Variants in PI15 observed in about 807,000 individuals in gnomAD.
PI15 encodes 25 kDa trypsin inhibitor.
PI15 carries 18 observed loss-of-function variants against 31.0 expected under a neutral mutation model. The ratio of observed to expected loss-of-function variants is 0.58; its 90% confidence interval spans 0.40 to 0.86. PI15 has a LOEUF of 0.86. PI15 is among the 40% of genes least tolerant of loss of function. The probability of loss-of-function intolerance (pLI) is 0.00; values close to 1 mark genes in which losing one functional copy is unlikely to be tolerated. For missense variants in PI15, 282 were observed against 328.1 expected (o/e 0.86, Z 1.09); for synonymous variants, 118 against 119.1 (o/e 0.99, Z 0.06).
chr8:74,842,205 T>C (rs1810955319), intron 2 of PI15, among the ~76,000 whole-genome samples: 1 of 152,104 alleles, frequency 6.6e-6, no homozygotes. Flanking sequence ...AATCCTTACT[T>C]AGCTGAACAC....
rs200713288 is a variant in PI15 at position 74,844,090 on chromosome 8, G to C, written c.383G>C (p.Arg128Pro). The C allele has an allele frequency of 1.4e-6, 2 of 1,412,248 alleles. No homozygotes were observed. The highest frequency in any genetic ancestry group is 3.3e-5 in the Admixed American group (2 of 59,744). The allele number at this position is 1,412,248 out of a possible 1,614,324, so 87.5% of individuals were successfully genotyped here. The change falls in exon 3 of 6, where the codon CGC (arginine) becomes CCC (proline). Residue 128 changes from arginine to proline, a missense_variant. Arg to Pro is a moderately radical substitution (Grantham distance 103). Coordinates refer to ENST00000260113, the MANE Select transcript of PI15 (RefSeq NM_015886.5). Reference sequence around the variant, plus strand: ...TTTTTGGGCCAAAATCTATCTGTACGCACTGGAAGGTAGGAAGTAATTTCA... The same window carrying C: ...TTTTTGGGCCAAAATCTATCTGTACCCACTGGAAGGTAGGAAGTAATTTCA... ...LRFLGQNLSVRTGRYRSILQL... is the reference protein window; with the variant it reads ...LRFLGQNLSVPTGRYRSILQL...
At chr8:74,832,798 A>C (rs1413124536) in intron 2 of PI15, among the ~76,000 whole-genome samples, 2 of 152,118 alleles carry the variant, frequency 1.3e-5, no homozygotes, top group Non-Finnish European at 2.9e-5. Context: ...TTTTCTTAAC[A>C]CAAATATGGA....
Position 74,854,678 on chromosome 8 carries a change from GTT to G in PI15, c.*5428_*5429del, listed in dbSNP as rs2128767486. The G allele has an allele frequency of 6.6e-6, 1 of 152,158 alleles. No individual in the cohort carries two copies. Among genetic ancestry groups the G allele is most frequent in the South Asian group, 2.1e-4 (1 of 4,820 alleles). 9.4% of individuals were successfully genotyped at this position (152,158 alleles called of 1,614,324 possible). ...TTGGATACATATTACAGCATCTTGT[GTT>G]TTATTTGACAAACAGAATTTTGGTG... On this transcript the variant is annotated 3_prime_UTR_variant, in exon 6 of 6. Coordinates refer to ENST00000260113, the MANE Select transcript of PI15 (RefSeq NM_015886.5).
intron 2 of PI15, among the ~76,000 whole-genome samples, chr8:74,826,977 T>C (rs752038284): frequency 6.6e-6 from 1 of 152,078 alleles, no homozygotes; most frequent in Non-Finnish European, 1.5e-5. Flanking sequence ...GATGTAAATA[T>C]GTAAAAATTA....
intron 2 of PI15, among the ~76,000 whole-genome samples, chr8:74,840,714 A>G (rs1413405255): frequency 1.3e-5 from 2 of 152,182 alleles, no homozygotes; most frequent in African/African-American, 4.8e-5. Flanking sequence ...AGGGTAGGTC[A>G]GTCCTGTCTC....
At chr8:74,841,686 T>A (rs1810948336) in intron 2 of PI15, among the ~76,000 whole-genome samples, 1 of 152,244 alleles carries the variant, frequency 6.6e-6, no homozygotes, top group African/African-American at 2.4e-5. Flanking sequence ...CCATCTGAAA[T>A]TCCTGTATAA....
chr8:74,829,211 A>G (rs1810743843), intron 2 of PI15, among the ~76,000 whole-genome samples: 1 of 152,110 alleles, frequency 6.6e-6, no homozygotes. Context: ...TTGATATTAT[A>G]AATGTCTTAA....
At chr8:74,847,369 T>C (rs1045177770) in intron 5 of PI15, among the ~76,000 whole-genome samples, 3 of 151,114 alleles carry the variant, frequency 2.0e-5, no homozygotes, top group Non-Finnish European at 2.9e-5. Flanking sequence ...CGCTTGAGCC[T>C]GGGTGGTGGA....
At position 74,853,065 on chromosome 8, in the gene PI15, A is replaced by T. The variant is rs1299147549; in HGVS notation, c.*3812A>T. On this transcript the variant is annotated 3_prime_UTR_variant, in exon 6 of 6. Coordinates refer to ENST00000260113, the MANE Select transcript of PI15 (RefSeq NM_015886.5). Reference sequence around the variant, plus strand: ...CAATTATTTGAACACATGCAAAATAATTTTTTAAATTATGTTATTGTTTAA... The same window carrying T: ...CAATTATTTGAACACATGCAAAATATTTTTTTAAATTATGTTATTGTTTAA... 6.5e-6 allele frequency: 1 copy of T among 152,676 alleles called. No homozygotes were observed. The highest frequency in any genetic ancestry group is 1.9e-4 in the East Asian group (1 of 5,194). The allele number at this position is 152,676 out of a possible 1,614,324, so 9.5% of individuals were successfully genotyped here.
In PI15 at chr8:74,853,027, G is replaced by A. The variant is rs910594998; in HGVS notation, c.*3774G>A. 4 of 152,312 alleles carry A rather than the reference G, an allele frequency of 2.6e-5. No individual in the cohort carries two copies. Among genetic ancestry groups the A allele is most frequent in the Admixed American group, 1.3e-4 (2 of 15,260 alleles). 9.4% of individuals were successfully genotyped at this position (152,312 alleles called of 1,614,324 possible). A position where few individuals can be genotyped will look rare whatever the true frequency, so the allele number is the denominator to read the frequency against. ...TTGTCATTATTTATGCTGGTGAAACGTATAATCACATCCAATTATTTGAAC... is the reference window on the plus strand; with the variant it reads ...TTGTCATTATTTATGCTGGTGAAACATATAATCACATCCAATTATTTGAAC... On this transcript the variant is annotated 3_prime_UTR_variant, in exon 6 of 6. Coordinates refer to ENST00000260113, the MANE Select transcript of PI15 (RefSeq NM_015886.5).
chr8:74,836,355 T>C lies in PI15; in HGVS notation c.274-7626T>C, dbSNP rs900193898. On this transcript the variant is annotated intron_variant, in intron 2 of 5. Coordinates refer to ENST00000260113, the MANE Select transcript of PI15 (RefSeq NM_015886.5). ...GATACCAGGAAGACTGAAGGAGTAG[T>C]TGATTTGGAGGAATGGGGGTAAGGT... is the stretch of plus-strand genomic sequence containing the variant. Among the ~76,000 whole-genome samples the C allele has an allele frequency of 2.0e-5, 3 of 151,904 alleles. No homozygotes were observed. The South Asian group carries it at 6.2e-4, about 32-fold the overall frequency.
chr8:74,844,188 T>G, intron 3 of PI15, 89 bp downstream of exon 3: 7 of 751,290 alleles, frequency 9.3e-6, no homozygotes, highest in South Asian at 8.9e-5. Flanking sequence ...TCAAGTAATA[T>G]CAACAAATTC....
intron 2 of PI15, among the ~76,000 whole-genome samples, chr8:74,825,899 C>T (rs938989865): frequency 1.3e-5 from 2 of 152,098 alleles, no homozygotes; most frequent in African/African-American, 2.4e-5. Context: ...TGCTTTATCT[C>T]ACAGTCATAT....
chr8:74,827,100 C>T (rs1366761109), intron 2 of PI15, among the ~76,000 whole-genome samples: 1 of 152,072 alleles, frequency 6.6e-6, no homozygotes, highest in African/African-American at 2.4e-5. Context: ...GAATTTGTAG[C>T]AATCACATGA....
chr8:74,825,607 G>A, intron 2 of PI15, 85 bp downstream of exon 2: 19 of 1,078,916 alleles, frequency 1.8e-5, no homozygotes, highest in East Asian at 2.5e-5. Context: ...ACGACCACGA[G>A]TGTTTATATG....
intron 2 of PI15, among the ~76,000 whole-genome samples, chr8:74,830,496 G>A (rs570049428): frequency 1.8e-4 from 27 of 152,190 alleles, no homozygotes; most frequent in African/African-American, 5.8e-4. Context: ...ATGAATGAAT[G>A]GAGAACAGAT....
chr8:74,832,645 C>G (rs929999669), intron 2 of PI15, among the ~76,000 whole-genome samples: 5 of 151,818 alleles, frequency 3.3e-5, no homozygotes, highest in African/African-American at 1.2e-4. Flanking sequence ...ATGAAGTGGG[C>G]ACAGAAGATA....
At position 74,825,266 on chromosome 8, in the gene PI15, C is replaced by T; in HGVS notation, c.17C>T (p.Ala6Val). The change falls in exon 2 of 6, where the codon GCC becomes GTC. Residue 6 changes from alanine to valine, a missense_variant. By Grantham distance (64) the Ala-to-Val change is moderately conservative (BLOSUM62 0). Coordinates refer to ENST00000260113, the MANE Select transcript of PI15 (RefSeq NM_015886.5). MIAIS[A>V]VSSALLFSLL... ...CCCCTCAAAATGATAGCAATCTCTG[C>T]CGTCAGCAGTGCACTCCTGTTCTCC... The T allele has an allele frequency of 6.2e-7, 1 of 1,613,248 alleles. No individual in the cohort carries two copies. Among genetic ancestry groups the T allele is most frequent in the Non-Finnish European group, 8.5e-7 (1 of 1,179,452 alleles).
In PI15 at chr8:74,853,918, A is replaced by G. The variant is rs1323420385; in HGVS notation, c.*4665A>G. On this transcript the variant is annotated 3_prime_UTR_variant, in exon 6 of 6. Transcript: ENST00000260113. Reference sequence around the variant, plus strand: ...CTTTATAAACACAATTAGAATTACAATTAATTAACAGAGGTATAATTGTCT... The same window carrying G: ...CTTTATAAACACAATTAGAATTACAGTTAATTAACAGAGGTATAATTGTCT... 2.0e-5 allele frequency: 3 copies of G among 152,044 alleles called. No individual in the cohort carries two copies. The highest frequency in any genetic ancestry group is 7.2e-5 in the African/African-American group (3 of 41,422). The allele number at this position is 152,044 out of a possible 1,614,324, so 9.4% of individuals were successfully genotyped here.
Sources: gnomAD v4.1 joint callset for allele counts (sites outside exome capture counted in the v4.1 genomes callset) on GRCh38, gnomAD v4.1.1 for gene constraint, MANE v1.5 for transcripts, NCBI Gene and HGNC (gene_info 2026-07-23, HGNC 2026-07-21) for gene names.